FOXO1: variants seen among roughly 807,000 people sequenced by gnomAD.
The protein encoded by FOXO1 is forkhead box protein O1.
In FOXO1, 6 loss-of-function variants were observed where a neutral mutation model predicts 44.1. The ratio of observed to expected loss-of-function variants is 0.14; its 90% CI spans 0.07 to 0.27. The LOEUF is 0.27. Ranked by LOEUF, FOXO1 falls within the 10% of genes least tolerant of loss-of-function variation. The pLI, the probability that FOXO1 is intolerant of heterozygous loss-of-function variation, is 1.00. For synonymous variants in FOXO1, 380 were observed against 362.7 expected (o/e 1.05, Z -0.54); for missense variants, 737 against 888.8 (o/e 0.83, Z 2.17).
intron 1 of FOXO1, among the ~76,000 whole-genome samples, chr13:40,578,952 T>C (rs555367429): frequency 6.6e-6 from 1 of 152,216 alleles, no homozygotes; most frequent in Non-Finnish European, 1.5e-5. Flanking sequence ...AGCACACATT[T>C]TGGAAAATGC....
chr13:40,600,112 A>G (rs1875762903), intron 1 of FOXO1, among the ~76,000 whole-genome samples: 2 of 152,234 alleles, frequency 1.3e-5, no homozygotes, highest in South Asian at 2.1e-4. Context: ...CACCTAAAAA[A>G]TTATGGTAAG....
At chr13:40,635,476 T>C (rs1357081234) in intron 1 of FOXO1, among the ~76,000 whole-genome samples, 1 of 152,212 alleles carries the variant, frequency 6.6e-6, no homozygotes, top group East Asian at 1.9e-4. Flanking sequence ...GTAGAAGCAC[T>C]GTTTACATCA....
chr13:40,565,536 C>T (rs1430719662), intron 1 of FOXO1, among the ~76,000 whole-genome samples: 2 of 152,098 alleles, frequency 1.3e-5, no homozygotes, highest in Non-Finnish European at 2.9e-5. Flanking sequence ...TGTCTGATCC[C>T]TGGGGCGGTG....
chr13:40,605,617 C>G (rs1325198920), intron 1 of FOXO1, among the ~76,000 whole-genome samples: 1 of 152,158 alleles, frequency 6.6e-6, no homozygotes, highest in African/African-American at 2.4e-5. Context: ...CAGCCTCAGC[C>G]TGTTGAAATT....
chr13:40,638,680 TG>T (rs1877243040), intron 1 of FOXO1, among the ~76,000 whole-genome samples: 1 of 152,048 alleles, frequency 6.6e-6, no homozygotes, highest in South Asian at 2.1e-4. Context: ...ATAGGCAGTC[TG>T]GGAGGAGGAG....
rs144016210 is a variant in FOXO1, at chr13:40,559,881, C to T, written c.1610G>A (p.Arg537His). The change falls in exon 2 of 3, where the codon CGT (arginine) becomes CAT (histidine). Residue 537 changes from arginine to histidine, a missense_variant. Transcript: ENST00000379561. ...HAQQTSAVNGRPLPHTVSTMP... is the reference protein window; with the variant it reads ...HAQQTSAVNGHPLPHTVSTMP... The stretch of plus-strand genomic sequence containing the variant: ...GGTGCTTACCGTGTGGGGCAGGGGA[C>T]GCCCGTTAACTGCAGATGTCTGCTG... 282 of 1,614,094 alleles carry T rather than the reference C, an allele frequency of 1.7e-4. 1 individual carries two copies. The African/African-American group carries it at 3.3e-3, about 19-fold the overall frequency.
rs17209022 is a variant in FOXO1, at chr13:40,590,832, T to C, written c.631-29972A>G. Among the ~76,000 whole-genome samples, 163 of 152,280 alleles carry C rather than the reference T, an allele frequency of 1.1e-3. 4 individuals carry two copies. In the East Asian group the frequency reaches 0.019, roughly 18 times the overall value. Reference sequence around the variant, plus strand: ...AACATTTCACCTGGTACAAGTAGCATTAGGACTTTCAAAAATACCAAATTG... The same window carrying C: ...AACATTTCACCTGGTACAAGTAGCACTAGGACTTTCAAAAATACCAAATTG... On this transcript the variant is annotated intron_variant, in intron 1 of 2. Coordinates refer to ENST00000379561, the MANE Select transcript of FOXO1 (RefSeq NM_002015.4).
chr13:40,575,149 C>T (rs59527497), intron 1 of FOXO1, among the ~76,000 whole-genome samples: 106 of 151,026 alleles, frequency 7.0e-4, no homozygotes, highest in African/African-American at 2.5e-3. Context: ...CTGGGCAACA[C>T]AATGAGACCA....
chr13:40,571,112 C>T (rs924884110), intron 1 of FOXO1, among the ~76,000 whole-genome samples: 3 of 152,058 alleles, frequency 2.0e-5, no homozygotes, highest in African/African-American at 7.3e-5. Context: ...TAATAAGGTC[C>T]CTGTGGTGGA....
Position 40,587,606 on chromosome 13 carries a change from A to G in FOXO1, c.631-26746T>C, listed in dbSNP as rs181838663. On this transcript the variant is annotated intron_variant, in intron 1 of 2. Coordinates refer to ENST00000379561, the MANE Select transcript of FOXO1 (RefSeq NM_002015.4). ...CATGTTGATTACTAGGATGGCCCCA[A>G]AGACAGTCCATCTATACCTAAAGCA... 2.6e-5 allele frequency among the ~76,000 whole-genome samples: 4 copies of G among 152,348 alleles called. No individual in the cohort carries two copies. In the East Asian group the frequency reaches 7.7e-4, roughly 29 times the overall value.
At chr13:40,567,840 C>T (rs1874328436) in intron 1 of FOXO1, among the ~76,000 whole-genome samples, 2 of 152,020 alleles carry the variant, frequency 1.3e-5, no homozygotes, top group South Asian at 4.1e-4. Flanking sequence ...TGGTGGTGGG[C>T]ACCTGTAGTC....
chr13:40,613,824 A>T (rs1876320241), intron 1 of FOXO1, among the ~76,000 whole-genome samples: 1 of 152,230 alleles, frequency 6.6e-6, no homozygotes, highest in Non-Finnish European at 1.5e-5. Flanking sequence ...CAGAACTACC[A>T]GGCAGCTTTC....
At chr13:40,595,353 T>C (rs1253257847) in intron 1 of FOXO1, among the ~76,000 whole-genome samples, 1 of 152,192 alleles carries the variant, frequency 6.6e-6, no homozygotes, top group Non-Finnish European at 1.5e-5. Context: ...TACTTGAACA[T>C]ACAAGGGATC....
chr13:40,656,593 T>C (rs994296628), intron 1 of FOXO1, among the ~76,000 whole-genome samples: 2 of 152,224 alleles, frequency 1.3e-5, no homozygotes, highest in Non-Finnish European at 2.9e-5. Flanking sequence ...CAAAATCAAC[T>C]GCAGTACACT....
Position 40,556,661 on chromosome 13 carries a change from G to A in FOXO1, c.*2388C>T, listed in dbSNP as rs1873763084. 1 of 152,316 alleles carries A rather than the reference G, an allele frequency of 6.6e-6. No individual in the cohort carries two copies. Among genetic ancestry groups the A allele is most frequent in the Non-Finnish European group, 1.5e-5 (1 of 68,024 alleles). 9.4% of individuals were successfully genotyped at this position (152,316 alleles called of 1,614,324 possible). A position where few individuals can be genotyped will look rare whatever the true frequency, so the allele number is the denominator to read the frequency against. ...TCACTGTTCTCAGAGAGCTACCAAG[G>A]ATTCATGACAGGATTTCAACACACA... On this transcript the variant is annotated 3_prime_UTR_variant, in exon 3 of 3. Transcript: ENST00000379561.
intron 1 of FOXO1, among the ~76,000 whole-genome samples, chr13:40,607,190 C>T (rs1366846964): frequency 6.6e-6 from 1 of 152,186 alleles, no homozygotes; most frequent in African/African-American, 2.4e-5. Flanking sequence ...ACAGAAGGCA[C>T]AGTGCAATTC....
At chr13:40,618,044 A>AT (rs1876485349) in intron 1 of FOXO1, among the ~76,000 whole-genome samples, 1 of 152,172 alleles carries the variant, frequency 6.6e-6, no homozygotes, top group Non-Finnish European at 1.5e-5. Context: ...GCCGTTCTAG[A>AT]TATTTCTTCC....
At position 40,558,922 on chromosome 13, in the gene FOXO1, T is replaced by G. The variant is rs1393047165; in HGVS notation, c.*127A>C. On this transcript the variant is annotated 3_prime_UTR_variant, in exon 3 of 3. Coordinates refer to ENST00000379561, the MANE Select transcript of FOXO1 (RefSeq NM_002015.4). ...CGAAAGGAAAAAAGGAGGGTTTTTT[T>G]TTTTGTTTTTTTTTTTAACCAAGAA... 8.2e-6 allele frequency: 3 copies of G among 364,072 alleles called. No homozygotes were observed. The highest frequency in any genetic ancestry group is 3.2e-4 in the South Asian group (2 of 6,248). 22.6% of individuals were successfully genotyped at this position (364,072 alleles called of 1,614,324 possible).
intron 1 of FOXO1, among the ~76,000 whole-genome samples, chr13:40,649,749 C>CCAATTGA (rs922601731): frequency 6.6e-6 from 1 of 152,140 alleles, no homozygotes; most frequent in Non-Finnish European, 1.5e-5. Flanking sequence ...CATATACCCT[C>CCAATTGA]CAATTGTGAG....
Sources: allele counts gnomAD v4.1 joint callset (sites outside exome capture counted in the v4.1 genomes callset), GRCh38; gene constraint gnomAD v4.1.1; transcripts MANE v1.5; gene names NCBI Gene and HGNC (gene_info 2026-07-23, HGNC 2026-07-21).